The following GRM7 variants were observed in gnomAD, a reference collection of about 807,000 sequenced individuals.
GRM7 encodes metabotropic glutamate receptor 7.
A neutral mutation model predicts 84.5 loss-of-function variants in GRM7; 35 were observed. That is an observed-to-expected ratio of 0.41 (90% CI 0.32 to 0.55). GRM7 has a LOEUF of 0.55. Among genes scored for constraint, GRM7 ranks in the 20% least tolerant of loss-of-function variants. The pLI is 0.19. For synonymous variants in GRM7, 487 were observed against 455.1 expected (o/e 1.07, Z -0.89); for missense variants, 1,003 against 1,194.6 (o/e 0.84, Z 2.36).
At chr3:6,956,424 C>G (rs1693051445) in intron 1 of GRM7, 3 of 392,426 alleles carry the variant, frequency 7.6e-6, no homozygotes, top group Non-Finnish European at 1.5e-5. Context: ...CTGCTCCTCT[C>G]AGACCTTTCT....
chr3:7,191,247 C>T (rs530656465), intron 2 of GRM7, among the ~76,000 whole-genome samples: 4 of 151,962 alleles, frequency 2.6e-5, no homozygotes, highest in South Asian at 2.1e-4. Flanking sequence ...ACTGTGAATA[C>T]GTCCTTCTCT....
chr3:7,687,312 A>AT (rs1323867473), intron 9 of GRM7, among the ~76,000 whole-genome samples: 1 of 152,212 alleles, frequency 6.6e-6, no homozygotes, highest in Admixed American at 6.5e-5. Context: ...AGATGCTTTT[A>AT]TATTGCTTTA....
At chr3:6,865,372 T>C (rs931709183) in intron 1 of GRM7, among the ~76,000 whole-genome samples, 1 of 152,162 alleles carries the variant, frequency 6.6e-6, no homozygotes, top group Non-Finnish European at 1.5e-5. Flanking sequence ...TATATTACAG[T>C]GGAAAGTCAT....
At position 7,653,836 on chromosome 3, in the gene GRM7, G is replaced by T. The variant is rs572306358; in HGVS notation, c.2452-26213G>T. 2.6e-5 allele frequency among the ~76,000 whole-genome samples: 4 copies of T among 152,190 alleles called. No homozygotes were observed. The East Asian group carries it at 7.7e-4, about 29-fold the overall frequency. ...CACCTTGATTCTGTGGAGTAGACAG[G>T]GTAGGTAAAGTTACACCCATTTTAC... On this transcript the variant is annotated intron_variant, in intron 8 of 9. Coordinates refer to ENST00000357716, the MANE Select transcript of GRM7 (RefSeq NM_000844.4).
intron 1 of GRM7, among the ~76,000 whole-genome samples, chr3:7,085,318 A>G (rs942254090): frequency 6.6e-6 from 1 of 152,164 alleles, no homozygotes; most frequent in African/African-American, 2.4e-5. Context: ...CCATTGTTTG[A>G]AATATAATAC....
chr3:6,957,418 T>G (rs1693104789), intron 1 of GRM7, among the ~76,000 whole-genome samples: 1 of 152,216 alleles, frequency 6.6e-6, no homozygotes, highest in Non-Finnish European at 1.5e-5. Flanking sequence ...AGGGCTGCAT[T>G]TGACATCTGC....
intron 2 of GRM7, among the ~76,000 whole-genome samples, chr3:7,175,328 A>G (rs1695109626): frequency 6.6e-6 from 1 of 152,180 alleles, no homozygotes; most frequent in Non-Finnish European, 1.5e-5. Flanking sequence ...TTGATTTTAT[A>G]ATATTTAATA....
chr3:7,619,006 G>T (rs1697241852), intron 8 of GRM7, among the ~76,000 whole-genome samples: 1 of 152,166 alleles, frequency 6.6e-6, no homozygotes, highest in Admixed American at 6.6e-5. Flanking sequence ...TTTCTGTGGA[G>T]GGTGTATAGG....
At chr3:6,946,418 T>C (rs140433174) in intron 1 of GRM7, among the ~76,000 whole-genome samples, 2 of 152,190 alleles carry the variant, frequency 1.3e-5, no homozygotes, top group East Asian at 3.9e-4. Context: ...CATTGGTCTA[T>C]ATCTCTGTTT....
intron 7 of GRM7, among the ~76,000 whole-genome samples, chr3:7,476,319 G>T (rs1054843629): frequency 6.6e-6 from 1 of 152,142 alleles, no homozygotes; most frequent in Non-Finnish European, 1.5e-5. Context: ...AGGCTGAAGC[G>T]GGAGGATAAC....
chr3:7,364,519 T>G (rs535284049), intron 4 of GRM7, among the ~76,000 whole-genome samples: 46 of 151,884 alleles, frequency 3.0e-4, no homozygotes, highest in Admixed American at 3.9e-4. Flanking sequence ...TAATTTGCTT[T>G]TTTTCTATAT....
chr3:7,729,815 C>G (rs972506118), intron 9 of GRM7, among the ~76,000 whole-genome samples: 4 of 151,756 alleles, frequency 2.6e-5, no homozygotes, highest in Non-Finnish European at 5.9e-5. Context: ...AAGGGATTCT[C>G]CTGCGTCAGC....
intron 1 of GRM7, among the ~76,000 whole-genome samples, chr3:6,950,150 G>A (rs1692678249): frequency 6.6e-6 from 1 of 152,136 alleles, no homozygotes; most frequent in African/African-American, 2.4e-5. Flanking sequence ...AGAGTTTCCA[G>A]TTTTTCTGCT....
At chr3:7,708,908 T>C (rs1468788685) in intron 9 of GRM7, among the ~76,000 whole-genome samples, 1 of 151,606 alleles carries the variant, frequency 6.6e-6, no homozygotes, top group African/African-American at 2.4e-5. Context: ...ATGTATTATA[T>C]ATAATTTAAA....
intron 1 of GRM7, among the ~76,000 whole-genome samples, chr3:7,062,967 A>G (rs1205111333): frequency 2.6e-5 from 4 of 151,766 alleles, no homozygotes; most frequent in Non-Finnish European, 4.4e-5. Context: ...CCAAGGGACC[A>G]TCTTATTCCC....
intron 2 of GRM7, among the ~76,000 whole-genome samples, chr3:7,227,645 C>T (rs1697025616): frequency 6.6e-6 from 1 of 152,136 alleles, no homozygotes; most frequent in Non-Finnish European, 1.5e-5. Flanking sequence ...ATAAAAACCA[C>T]ATAAGAAGAA....
intron 1 of GRM7, among the ~76,000 whole-genome samples, chr3:7,066,946 G>GAA (rs1697687632): frequency 6.6e-6 from 1 of 151,968 alleles, no homozygotes; most frequent in Non-Finnish European, 1.5e-5. Flanking sequence ...AATAGATGCA[G>GAA]AAAAAGCATT....
At chr3:7,596,472 A>T (rs1696050524) in intron 8 of GRM7, among the ~76,000 whole-genome samples, 1 of 152,224 alleles carries the variant, frequency 6.6e-6, no homozygotes, top group Admixed American at 6.5e-5. Context: ...AGTAAGAATG[A>T]TGCCCAAGAT....
chr3:7,500,978 A>T (rs1197097586), intron 7 of GRM7, among the ~76,000 whole-genome samples: 2 of 152,244 alleles, frequency 1.3e-5, no homozygotes, highest in African/African-American at 2.4e-5. Context: ...CAGATCTGTG[A>T]GGGTGAGAAG....
Sources: gnomAD v4.1 joint callset for allele counts (sites outside exome capture counted in the v4.1 genomes callset) on GRCh38, gnomAD v4.1.1 for gene constraint, MANE v1.5 for transcripts, NCBI Gene and HGNC (gene_info 2026-07-23, HGNC 2026-07-21) for gene names.